The following NAA11 variants were observed in gnomAD, a reference collection of about 807,000 sequenced individuals.
The protein encoded by NAA11 is N-alpha-acetyltransferase 11, NatA catalytic subunit, also known as N-alpha-acetyltransferase 11.
Under a neutral mutation model 16.1 loss-of-function variants are expected in NAA11, and 15 were observed. The observed-to-expected ratio is 0.93, with a 90% CI of 0.62 to 1.44. The LOEUF (loss-of-function observed/expected upper bound fraction) is 1.44. NAA11 is among the 40% of genes most tolerant of loss of function. The pLI, the probability that NAA11 is intolerant of heterozygous loss-of-function variation, is 0.00. For synonymous variants in NAA11, 122 were observed against 112.4 expected (o/e 1.09, Z -0.54); for missense variants, 298 against 291.3 (o/e 1.02, Z -0.17).
chr4:79,288,564 A>G (rs1723003332), intron 2 of NAA11, among the ~76,000 whole-genome samples: 3 of 152,228 alleles, frequency 2.0e-5, no homozygotes, highest in South Asian at 4.1e-4. Context: ...GTATGCAAAC[A>G]TAGTATGTAC....
At chr4:79,289,141 A>T (rs558399979) in intron 2 of NAA11, among the ~76,000 whole-genome samples, 1 of 152,334 alleles carries the variant, frequency 6.6e-6, no homozygotes, top group Non-Finnish European at 1.5e-5. Flanking sequence ...TGAAATTCTG[A>T]TGGCTTTGAC....
intron 1 of NAA11, among the ~76,000 whole-genome samples, chr4:79,304,881 A>T (rs1221072236): frequency 6.6e-6 from 1 of 152,148 alleles, no homozygotes; most frequent in East Asian, 1.9e-4. Context: ...AAATTAAAAG[A>T]ACTCTGTCAG....
downstream of NAA11, among the ~76,000 whole-genome samples, chr4:79,221,009 TG>T (rs1721178234): frequency 6.6e-6 from 1 of 151,836 alleles, no homozygotes; most frequent in Non-Finnish European, 1.5e-5. Context: ...CCCATGAGCA[TG>T]GAATGTTCTT....
At chr4:79,236,250 A>AG (rs1217309169) in intron 2 of NAA11, among the ~76,000 whole-genome samples, 2 of 152,150 alleles carry the variant, frequency 1.3e-5, no homozygotes, top group African/African-American at 4.8e-5. Context: ...CTTAAAAATA[A>AG]GTTCATATAC....
At chr4:79,315,684 A>C (rs1723906962), downstream of NAA11, among the ~76,000 whole-genome samples, 1 of 148,082 alleles carries the variant, frequency 6.8e-6, no homozygotes, top group Non-Finnish European at 1.5e-5. Flanking sequence ...TTCAGAATTA[A>C]AAAAAAAAAA....
the NAA11 span, among the ~76,000 whole-genome samples, chr4:79,183,333 A>G: frequency 2.0e-5 from 3 of 152,276 alleles, no homozygotes; most frequent in Non-Finnish European, 4.4e-5. Context: ...TTTTGTGCCA[A>G]AGGATACTAT....
chr4:79,202,554 A>C, the NAA11 span, among the ~76,000 whole-genome samples: 2 of 136,600 alleles, frequency 1.5e-5, no homozygotes, highest in Non-Finnish European at 3.2e-5. Context: ...ACACACACAC[A>C]CCCCATATGT....
At chr4:79,215,403 C>T in the NAA11 span, among the ~76,000 whole-genome samples, 1 of 152,172 alleles carries the variant, frequency 6.6e-6, no homozygotes, top group Non-Finnish European at 1.5e-5. Flanking sequence ...AAAGAGTAGA[C>T]TGGCCAGAAC....
At chr4:79,307,876 A>C (rs1329140732) in intron 1 of NAA11, among the ~76,000 whole-genome samples, 1 of 152,210 alleles carries the variant, frequency 6.6e-6, no homozygotes, top group Non-Finnish European at 1.5e-5. Flanking sequence ...TACTTCTTTG[A>C]CCATGTAAAG....
intron 2 of NAA11, among the ~76,000 whole-genome samples, chr4:79,268,851 C>G (rs1347725088): frequency 9.0e-6 from 1 of 110,944 alleles, no homozygotes; most frequent in Non-Finnish European, 1.8e-5. Flanking sequence ...TCCCTCCCCC[C>G]TCCCCCCACC....
intron 2 of NAA11, among the ~76,000 whole-genome samples, chr4:79,262,889 G>A (rs1273681967): frequency 6.6e-6 from 1 of 152,050 alleles, no homozygotes; most frequent in African/African-American, 2.4e-5. Flanking sequence ...TTTATTAAGT[G>A]AGTATTATAT....
chr4:79,173,064 G>C, the NAA11 span, among the ~76,000 whole-genome samples: 1 of 152,120 alleles, frequency 6.6e-6, no homozygotes, highest in African/African-American at 2.4e-5. Flanking sequence ...GGAAACTCCA[G>C]CGAGCCAAGA....
the NAA11 span, among the ~76,000 whole-genome samples, chr4:79,172,679 T>C: frequency 6.6e-6 from 1 of 152,150 alleles, no homozygotes; most frequent in African/African-American, 2.4e-5. Flanking sequence ...GGGGTAGCTT[T>C]TTCAAGCTGT....
At chr4:79,215,007 A>G in the NAA11 span, among the ~76,000 whole-genome samples, 1 of 152,160 alleles carries the variant, frequency 6.6e-6, no homozygotes, top group Non-Finnish European at 1.5e-5. Flanking sequence ...ATATTCTCTT[A>G]TAGCAGCACC....
chr4:79,270,294 C>A (rs1722463649), intron 2 of NAA11, among the ~76,000 whole-genome samples: 1 of 151,982 alleles, frequency 6.6e-6, no homozygotes, highest in Non-Finnish European at 1.5e-5. Context: ...TGGATAAATT[C>A]CTCGACACAT....
At chr4:79,164,141 G>T in the NAA11 span, among the ~76,000 whole-genome samples, 5 of 152,040 alleles carry the variant, frequency 3.3e-5, no homozygotes, top group African/African-American at 7.2e-5. Context: ...GTGCTTTTAA[G>T]AAATTACTCA....
intron 2 of NAA11, among the ~76,000 whole-genome samples, chr4:79,262,846 C>A (rs1722269637): frequency 6.6e-6 from 1 of 152,106 alleles, no homozygotes; most frequent in African/African-American, 2.4e-5. Flanking sequence ...ATGCAGTTCT[C>A]AAGTCCTAAT....
At chr4:79,191,658 T>C in the NAA11 span, among the ~76,000 whole-genome samples, 8 of 152,232 alleles carry the variant, frequency 5.3e-5, no homozygotes, top group Non-Finnish European at 1.0e-4. Context: ...GATAGTTTCT[T>C]TTGCTGTACA....
chr4:79,252,737 A>C (rs1044876144), intron 2 of NAA11, among the ~76,000 whole-genome samples: 1 of 152,212 alleles, frequency 6.6e-6, no homozygotes, highest in Non-Finnish European at 1.5e-5. Context: ...CAAGGAGGCC[A>C]GTGGCACTGA....
Sources: allele counts gnomAD v4.1 joint callset (sites outside exome capture counted in the v4.1 genomes callset), GRCh38; gene constraint gnomAD v4.1.1; transcripts MANE v1.5; gene names NCBI Gene and HGNC (gene_info 2026-07-23, HGNC 2026-07-21).